FMO1: variants seen among roughly 807,000 people sequenced by gnomAD.
The protein encoded by FMO1 is flavin containing dimethylaniline monoxygenase 1.
In FMO1, 36 loss-of-function variants were observed where a neutral mutation model predicts 45.4. That is an observed-to-expected ratio of 0.79 (90% CI 0.61 to 1.05). The LOEUF (loss-of-function observed/expected upper bound fraction) is 1.05. FMO1 is among the 50% of genes least tolerant of loss of function. The pLI is 0.00. For synonymous variants in FMO1, 228 were observed against 227.2 expected, an observed-to-expected ratio of 1.00 and a Z score of -0.03; for missense variants, 615 against 640.3, an observed-to-expected ratio of 0.96 and a Z score of 0.43.
chr1:171,283,191 G>T lies in FMO1; in HGVS notation c.1231G>T (p.Ala411Ser). 1 of 1,443,026 alleles carries T rather than the reference G, an allele frequency of 6.9e-7. No homozygotes were observed. 89.4% of individuals were successfully genotyped at this position (1,443,026 alleles called of 1,614,324 possible). A position where few individuals can be genotyped will look rare whatever the true frequency, so the allele number is the denominator to read the frequency against. Residue 411 changes from alanine to serine, a missense_variant, in exon 8 of 9, where the codon GCA becomes TCA. Transcript: ENST00000617670. ...AAGTGTCATGATAGAGGAAATTAAT[G>T]CAAGGAAAGAAAACAAGCCCAGTTG... is the stretch of plus-strand genomic sequence containing the variant. ...PPSVMIEEIN[A>S]RKENKPSWFG...
In FMO1 at chr1:171,259,912, GGAA is replaced by G. The variant is rs1226671825; in HGVS notation, c.132+1698_132+1700del. Among the ~76,000 whole-genome samples the G allele has an allele frequency of 2.0e-5, 3 of 152,202 alleles. 1 individual carries two copies. The highest frequency in any genetic ancestry group is 4.4e-5 in the Non-Finnish European group (3 of 68,044). ...TGCCCTCAGGAGCTGTCAGGTAGAT[GGAA>G]GAAGGCTAGGATTCTGCAAGTCAGA... is the stretch of plus-strand genomic sequence containing the variant. On this transcript the variant is annotated intron_variant, in intron 2 of 8. Coordinates refer to ENST00000617670, the MANE Select transcript of FMO1 (RefSeq NM_001282693.2).
intron 1 of FMO1, among the ~76,000 whole-genome samples, chr1:171,256,633 T>G (rs1171515673): frequency 6.6e-6 from 1 of 152,078 alleles, no homozygotes; most frequent in Non-Finnish European, 1.5e-5. Flanking sequence ...TACATGTTGC[T>G]TGAAAAAAGA....
At chr1:171,276,737 G>A (rs1188711053) in intron 4 of FMO1, among the ~76,000 whole-genome samples, 1 of 152,142 alleles carries the variant, frequency 6.6e-6, no homozygotes, top group African/African-American at 2.4e-5. Flanking sequence ...CATATGACCT[G>A]TAGTGATTCC....
chr1:171,281,402 T>C (rs890231629), intron 6 of FMO1, among the ~76,000 whole-genome samples: 9 of 152,138 alleles, frequency 5.9e-5, no homozygotes, highest in African/African-American at 1.9e-4. Context: ...CTGAATCCCA[T>C]AGTTGCCCCT....
intron 1 of FMO1, 93 bp from the exon 2 acceptor site, chr1:171,257,989 T>C: frequency 6.8e-7 from 1 of 1,464,908 alleles, no homozygotes; most frequent in Non-Finnish European, 9.5e-7. Flanking sequence ...GCAAATCGCC[T>C]AATCTTCCAA....
At chr1:171,257,678 T>G in intron 1 of FMO1, 2 of 227,738 alleles carry the variant, frequency 8.8e-6, no homozygotes, top group South Asian at 5.9e-5. Flanking sequence ...CAGTTTTGTA[T>G]GTGATAAAGA....
intron 4 of FMO1, among the ~76,000 whole-genome samples, chr1:171,277,004 C>G: frequency 6.6e-6 from 1 of 152,140 alleles, no homozygotes; most frequent in East Asian, 1.9e-4. Flanking sequence ...CTTTAACCAA[C>G]AGTACACATC....
At chr1:171,260,552 G>C (rs769990178) in intron 2 of FMO1, among the ~76,000 whole-genome samples, 8 of 152,106 alleles carry the variant, frequency 5.3e-5, no homozygotes, top group Non-Finnish European at 1.2e-4. Context: ...TCACACCAGA[G>C]GCCCTCAATT....
rs903718782 is a variant in FMO1, at chr1:171,282,207, T to C, written c.1057T>C (p.Tyr353His). 6 of 1,613,898 alleles carry C rather than the reference T, an allele frequency of 3.7e-6. No homozygotes were observed. Among genetic ancestry groups the C allele is most frequent in the Non-Finnish European group, 5.1e-6 (6 of 1,179,914 alleles). The change falls in exon 7 of 9, where the codon TAC becomes CAC. Residue 353 changes from tyrosine to histidine, a missense_variant. Physicochemically the swap from Tyr to His is moderately conservative, Grantham distance 83. Transcript: ENST00000617670. ...AGTTGAAGATGGCCAGGCCTCACTG[T>C]ACAAGTATATCTTCCCTGCACATCT... ...VKVEDGQASL[Y>H]KYIFPAHLQK...
chr1:171,258,586 A>C (rs999901825), intron 2 of FMO1, among the ~76,000 whole-genome samples: 3 of 152,158 alleles, frequency 2.0e-5, no homozygotes, highest in Admixed American at 1.3e-4. Context: ...CAAGAGCAAG[A>C]ATTTCAGCCT....
intron 1 of FMO1, 22 bp from the exon 2 acceptor site, chr1:171,258,060 C>T (rs1253737537): frequency 1.9e-6 from 3 of 1,613,578 alleles, no homozygotes; most frequent in East Asian, 4.5e-5. Flanking sequence ...AATAAAAAGC[C>T]TGCTTCATCT....
At chr1:171,261,150 C>T (rs1296745429) in intron 2 of FMO1, among the ~76,000 whole-genome samples, 1 of 152,126 alleles carries the variant, frequency 6.6e-6, no homozygotes, top group African/African-American at 2.4e-5. Context: ...GCAGCCTTCT[C>T]TTGACACTGC....
At chr1:171,261,325 A>G (rs1448110240) in intron 2 of FMO1, among the ~76,000 whole-genome samples, 1 of 151,940 alleles carries the variant, frequency 6.6e-6, no homozygotes, top group Non-Finnish European at 1.5e-5. Flanking sequence ...ACACAGGCAC[A>G]CACACACACA....
Position 171,283,128 on chromosome 1 carries a change from T to C in FMO1, c.1184-16T>C, listed in dbSNP as rs1203084118. ...AAACTTAAGTTGCATTTGAGGTTTTTATTTTAATCCTACAGGTGTAAATAA... is the reference window on the plus strand; with the variant it reads ...AAACTTAAGTTGCATTTGAGGTTTTCATTTTAATCCTACAGGTGTAAATAA... On this transcript the variant is annotated splice_polypyrimidine_tract_variant and intron_variant, in intron 7 of 8. Transcript: ENST00000617670. The C allele has an allele frequency of 4.9e-6, 7 of 1,414,724 alleles. No homozygotes were observed. Among genetic ancestry groups the C allele is most frequent in the East Asian group, 2.3e-5 (1 of 43,050 alleles). The allele number at this position is 1,414,724 out of a possible 1,614,324, so 87.6% of individuals were successfully genotyped here. A position where few individuals can be genotyped will look rare whatever the true frequency, so the allele number is the denominator to read the frequency against.
At position 171,275,451 on chromosome 1, in the gene FMO1, G is replaced by A; in HGVS notation, c.427G>A (p.Val143Ile). ...EKQESAIFDAVMVCTGFLTNP... is the reference protein window; with the variant it reads ...EKQESAIFDAIMVCTGFLTNP... ...GCAAGAGTCAGCCATCTTTGATGCT[G>A]TCATGGTCTGCACTGGCTTTCTTAC... The change falls in exon 4 of 9, where the codon GTC becomes ATC. Residue 143 changes from valine (V) to isoleucine (I), a missense_variant. By Grantham distance (29) the Val-to-Ile change is conservative. Coordinates refer to ENST00000617670, the MANE Select transcript of FMO1 (RefSeq NM_001282693.2). 1 of 1,613,756 alleles carries A rather than the reference G, an allele frequency of 6.2e-7. No individual in the cohort carries two copies. The highest frequency in any genetic ancestry group is 8.5e-7 in the Non-Finnish European group (1 of 1,179,706).
At chr1:171,281,791 G>A (rs1298521202) in intron 6 of FMO1, among the ~76,000 whole-genome samples, 187 bp from the exon 7 acceptor site, 1 of 152,170 alleles carries the variant, frequency 6.6e-6, no homozygotes, top group Non-Finnish European at 1.5e-5. Flanking sequence ...TAAATGGCAA[G>A]CATATTTTAT....
At chr1:171,248,931 T>C (rs933613634) in intron 1 of FMO1, among the ~76,000 whole-genome samples, 6 of 149,112 alleles carry the variant, frequency 4.0e-5, no homozygotes, top group African/African-American at 1.5e-4. Context: ...TTGAATCAAA[T>C]GGGAAAAACT....
At chr1:171,283,428 T>C (rs1380162948) in intron 8 of FMO1, among the ~76,000 whole-genome samples, 1 of 152,014 alleles carries the variant, frequency 6.6e-6, no homozygotes, top group Admixed American at 6.6e-5. Flanking sequence ...AAGGGGAATT[T>C]AGAATTTTTA....
intron 3 of FMO1, among the ~76,000 whole-genome samples, chr1:171,273,837 T>C (rs1254023071): frequency 6.6e-6 from 1 of 152,164 alleles, no homozygotes; most frequent in African/African-American, 2.4e-5. Context: ...TTTAGAACAA[T>C]TTTTAAAAAG....
Sources: allele counts gnomAD v4.1 joint callset (sites outside exome capture counted in the v4.1 genomes callset), GRCh38; gene constraint gnomAD v4.1.1; transcripts MANE v1.5; gene names NCBI Gene and HGNC (gene_info 2026-07-23, HGNC 2026-07-21).